CEP126: variants seen among roughly 807,000 people sequenced by gnomAD.
CEP126 encodes centrosomal protein 126, also known as centrosomal protein of 126 kDa.
In CEP126, 74 loss-of-function variants were observed where a neutral mutation model predicts 107.8. The ratio of observed to expected loss-of-function variants is 0.69; its 90% CI spans 0.57 to 0.83. The LOEUF (loss-of-function observed/expected upper bound fraction) is 0.83. Among genes scored for constraint, CEP126 ranks in the 40% least tolerant of loss-of-function variants. The probability of loss-of-function intolerance (pLI) is 0.00; values close to 1 mark genes in which losing one functional copy is unlikely to be tolerated. For synonymous variants in CEP126, 449 were observed against 446.0 expected (o/e 1.01, Z -0.08); for missense variants, 1,237 against 1,281.9 (o/e 0.96, Z 0.53).
chr11:101,982,369 T>C (rs1941265973), intron 8 of CEP126, among the ~76,000 whole-genome samples: 1 of 152,220 alleles, frequency 6.6e-6, no homozygotes, highest in Non-Finnish European at 1.5e-5. Flanking sequence ...TTATTCAAAA[T>C]TGTTCTAGTA....
chr11:101,944,212 A>G (rs1772118987), intron 2 of CEP126, 53 bp from the exon 3 acceptor site: 2 of 1,447,982 alleles, frequency 1.4e-6, no homozygotes, highest in Non-Finnish European at 1.8e-6. Context: ...TTTTGAAACT[A>G]TTTTCTAAAC....
chr11:101,949,037 G>A (rs930683692), intron 4 of CEP126, among the ~76,000 whole-genome samples: 25 of 152,302 alleles, frequency 1.6e-4, no homozygotes, highest in African/African-American at 5.8e-4. Flanking sequence ...TCATGGGACA[G>A]AGAATTCTTC....
At chr11:101,956,813 C>T (rs1227496504) in intron 4 of CEP126, 9 of 433,992 alleles carry the variant, frequency 2.1e-5, no homozygotes, top group East Asian at 7.0e-5. Context: ...TTCTACCTCC[C>T]CATCTCCTTT....
At chr11:101,961,669 T>A in intron 5 of CEP126, 72 bp from the exon 6 acceptor site, 1 of 791,010 alleles carries the variant, frequency 1.3e-6, no homozygotes, top group Non-Finnish European at 2.0e-6. Flanking sequence ...TCAGTAACAA[T>A]GGTATGTTGA....
intron 8 of CEP126, among the ~76,000 whole-genome samples, chr11:101,982,471 A>G (rs149441858): frequency 0.021 from 3,262 of 152,220 alleles, 35 homozygotes; most frequent in African/African-American, 0.029. Flanking sequence ...TTTGATTTCT[A>G]TACCTTTCAT....
At chr11:101,965,508 T>C (rs1359733864) in intron 6 of CEP126, among the ~76,000 whole-genome samples, 1 of 152,174 alleles carries the variant, frequency 6.6e-6, no homozygotes, top group Non-Finnish European at 1.5e-5. Context: ...CTAAAAATCT[T>C]CATTACTTGT....
intron 7 of CEP126, among the ~76,000 whole-genome samples, chr11:101,979,940 T>A (rs529909350): frequency 6.6e-5 from 10 of 152,280 alleles, no homozygotes; most frequent in African/African-American, 1.9e-4. Context: ...TGACTTTTTT[T>A]AATAAAACTG....
chr11:101,945,344 T>A (rs201718799), intron 3 of CEP126, among the ~76,000 whole-genome samples: 2 of 151,984 alleles, frequency 1.3e-5, no homozygotes, highest in East Asian at 1.9e-4. Context: ...ATCTGAAGCA[T>A]AGGATGGGGA....
intron 1 of CEP126, among the ~76,000 whole-genome samples, chr11:101,921,777 CTTTTTTT>C (rs747642967): frequency 7.3e-4 from 40 of 55,008 alleles, no homozygotes; most frequent in African/African-American, 2.2e-3. Context: ...TTCATGATTT[CTTTTTTT>C]TTTTTTTTTT....
chr11:101,957,624 G>A (rs1005858513), intron 4 of CEP126, among the ~76,000 whole-genome samples: 1 of 152,046 alleles, frequency 6.6e-6, no homozygotes, highest in African/African-American at 2.4e-5. Flanking sequence ...GTGAGTACTT[G>A]GCCTCCATTG....
In CEP126 at chr11:101,999,705, T is replaced by C. The variant is rs1228432868; in HGVS notation, c.*2062T>C. 2.6e-5 allele frequency: 4 copies of C among 152,132 alleles called. No homozygotes were observed. The highest frequency in any genetic ancestry group is 2.6e-4 in the Admixed American group (4 of 15,270). The allele number at this position is 152,132 out of a possible 1,614,324, so 9.4% of individuals were successfully genotyped here. A position where few individuals can be genotyped will look rare whatever the true frequency, so the allele number is the denominator to read the frequency against. ...AGTGGGAAGACATAAAGAGCCTTTGTGAATTAAAGTGGAAGAGAATAACAC... is the reference window on the plus strand; with the variant it reads ...AGTGGGAAGACATAAAGAGCCTTTGCGAATTAAAGTGGAAGAGAATAACAC... On this transcript the variant is annotated 3_prime_UTR_variant, in exon 11 of 11. Coordinates refer to ENST00000263468, the MANE Select transcript of CEP126 (RefSeq NM_020802.4).
Position 101,986,082 on chromosome 11 carries a change from A to G in CEP126, c.3035-750A>G, listed in dbSNP as rs2137130780. Among the ~76,000 whole-genome samples, 2 of 150,160 alleles carry G rather than the reference A, an allele frequency of 1.3e-5. 1 individual carries two copies. The highest frequency in any genetic ancestry group is 4.2e-4 in the South Asian group (2 of 4,732). Reference sequence around the variant, plus strand: ...ACTGCAACCTCCACCTCCTGGGTTCAAGTGATTCTCCTGCCTGAGCCTCCC... The same window carrying G: ...ACTGCAACCTCCACCTCCTGGGTTCGAGTGATTCTCCTGCCTGAGCCTCCC... On this transcript the variant is annotated intron_variant, in intron 8 of 10. Transcript: ENST00000263468.
intron 5 of CEP126, among the ~76,000 whole-genome samples, chr11:101,959,644 G>A (rs554051065): frequency 2.0e-5 from 3 of 152,160 alleles, no homozygotes; most frequent in African/African-American, 4.8e-5. Flanking sequence ...GAATTTTAAC[G>A]TATTTTTACA....
intron 2 of CEP126, among the ~76,000 whole-genome samples, chr11:101,937,608 T>C (rs967471881): frequency 3.3e-5 from 5 of 152,322 alleles, no homozygotes; most frequent in Non-Finnish European, 5.9e-5. Flanking sequence ...TAATGTGTTG[T>C]CGGGTTTTGG....
intron 6 of CEP126, among the ~76,000 whole-genome samples, chr11:101,975,603 G>A (rs1008702665): frequency 1.3e-5 from 2 of 151,834 alleles, no homozygotes; most frequent in Non-Finnish European, 2.9e-5. Context: ...TTTTATTTTC[G>A]GTTCAGAAGT....
At chr11:101,919,032 T>C (rs1200795193) in intron 1 of CEP126, among the ~76,000 whole-genome samples, 1 of 152,218 alleles carries the variant, frequency 6.6e-6, no homozygotes, top group Non-Finnish European at 1.5e-5. Flanking sequence ...GAATGGTTTA[T>C]ATATAGGTCC....
intron 2 of CEP126, among the ~76,000 whole-genome samples, chr11:101,940,377 AAAC>A (rs1241363001): frequency 6.7e-6 from 1 of 149,658 alleles, no homozygotes; most frequent in Non-Finnish European, 1.5e-5. Flanking sequence ...ATAAAGAAGA[AAAC>A]AAACAATTTT....
chr11:101,967,055 G>T (rs2137116392), intron 6 of CEP126, among the ~76,000 whole-genome samples: 1 of 138,886 alleles, frequency 7.2e-6, no homozygotes, highest in South Asian at 2.3e-4. Context: ...TTGAGATGGG[G>T]TCTCACTTTG....
intron 9 of CEP126, among the ~76,000 whole-genome samples, chr11:101,988,243 G>C (rs959985946): frequency 3.9e-5 from 6 of 152,090 alleles, no homozygotes; most frequent in Admixed American, 1.3e-4. Flanking sequence ...TAGAATGCCT[G>C]GAAATTGAAA....
Sources: gnomAD v4.1 joint callset for allele counts (sites outside exome capture counted in the v4.1 genomes callset) on GRCh38, gnomAD v4.1.1 for gene constraint, MANE v1.5 for transcripts, NCBI Gene and HGNC (gene_info 2026-07-23, HGNC 2026-07-21) for gene names.